Variants in KLK7 observed in about 807,000 individuals in gnomAD.
KLK7 encodes the protein kallikrein-7.
In KLK7, 17 loss-of-function variants were observed where a neutral mutation model predicts 21.0. That is an observed-to-expected ratio of 0.81 (90% confidence interval 0.55 to 1.21). KLK7 has a LOEUF of 1.21. Among genes scored for constraint, KLK7 ranks in the 50% most tolerant of loss-of-function variants. The probability of loss-of-function intolerance (pLI) is 0.00; values close to 1 mark genes in which losing one functional copy is unlikely to be tolerated. For synonymous variants in KLK7, 151 were observed against 134.6 expected, an observed-to-expected ratio of 1.12 and a Z score of -0.85; for missense variants, 330 against 322.8, an observed-to-expected ratio of 1.02 and a Z score of -0.17.
Position 50,981,771 on chromosome 19 carries a change from T to C in KLK7, c.217A>G (p.Met73Val), listed in dbSNP as rs2091090922. The change falls in exon 3 of 6, where the codon ATG (methionine) becomes GTG (valine). Residue 73 changes from methionine (M) to valine (V), a missense_variant. Met to Val is a conservative substitution (Grantham distance 21). Coordinates refer to ENST00000595820, the MANE Select transcript of KLK7 (RefSeq NM_005046.4). ...AGAGACTTGGGCGGCACCTACTTCA[T>C]CTTGCAGTGGGCGGCAGTGAGCACC... ...RWVLTAAHCK[M>V]NEYTVHLGSD... 1.3e-6 allele frequency: 2 copies of C among 1,571,412 alleles called. No individual in the cohort carries two copies. The highest frequency in any genetic ancestry group is 2.7e-5 in the African/African-American group (2 of 74,676).
Position 50,977,425 on chromosome 19 carries a change from A to T in KLK7, c.*111T>A. The T allele has an allele frequency of 9.3e-7, 1 of 1,076,424 alleles. No individual in the cohort carries two copies. The highest frequency in any genetic ancestry group is 1.4e-6 in the Non-Finnish European group (1 of 718,980). 66.7% of individuals were successfully genotyped at this position (1,076,424 alleles called of 1,614,324 possible). On this transcript the variant is annotated 3_prime_UTR_variant, in exon 6 of 6. Coordinates refer to ENST00000595820, the MANE Select transcript of KLK7 (RefSeq NM_005046.4). Reference sequence around the variant, plus strand: ...TATCAACAGGGCATGAGGTTGGTTTAAATATATCTTTGAGGAAAGGTAAAG... The same window carrying T: ...TATCAACAGGGCATGAGGTTGGTTTTAATATATCTTTGAGGAAAGGTAAAG...
At chr19:50,982,060 G>A in intron 2 of KLK7, 146 bp from the exon 3 acceptor site, 1 of 972,460 alleles carries the variant, frequency 1.0e-6, no homozygotes. Flanking sequence ...TAGGGATAGA[G>A]ACAGACAGAA....
intron 5 of KLK7, 111 bp downstream of exon 5, chr19:50,979,677 G>C (rs902633102): frequency 3.0e-5 from 32 of 1,082,986 alleles, no homozygotes; most frequent in Middle Eastern, 5.7e-4. Flanking sequence ...GCCAGGCCTG[G>C]GGGGAGGGCA....
Position 50,982,420 on chromosome 19 carries a change from A to G in KLK7, c.-21T>C. On this transcript the variant is annotated 5_prime_UTR_variant, in exon 2 of 6. Coordinates refer to ENST00000595820, the MANE Select transcript of KLK7 (RefSeq NM_005046.4). ...GCCATGGTGCCCTGCTGAGCCGCTC[A>G]GGGGCTGCCAGGCGAGGAAGGGCCT... is the stretch of plus-strand genomic sequence containing the variant. 1 of 1,595,132 alleles carries G rather than the reference A, an allele frequency of 6.3e-7. No individual in the cohort carries two copies. The highest frequency in any genetic ancestry group is 1.1e-5 in the South Asian group (1 of 88,036).
Position 50,980,286 on chromosome 19 carries a change from T to A in KLK7, c.423A>T (p.Gly141=). Residue 141 remains glycine, a synonymous_variant, in exon 4 of 6, where the codon GGA becomes GGT. Coordinates refer to ENST00000595820, the MANE Select transcript of KLK7 (RefSeq NM_005046.4). ...CCCAGCCGGAGACAGTACAGGTGGT[T>A]CCAGGGGGTTCGCAGCGGGAGGGCA... The part of the protein sequence containing the change: ...VRLPSRCEPP[G]TTCTVSGWGT... The A allele has an allele frequency of 6.2e-7, 1 of 1,613,964 alleles. No individual in the cohort carries two copies. Among genetic ancestry groups the A allele is most frequent in the South Asian group, 1.1e-5 (1 of 91,084 alleles).
chr19:50,979,673 C>G, intron 5 of KLK7, 115 bp downstream of exon 5: 1 of 1,048,380 alleles, frequency 9.5e-7, no homozygotes, highest in Non-Finnish European at 1.4e-6. Context: ...GGAGGCCAGG[C>G]CTGGGGGGAG....
Position 50,977,860 on chromosome 19 carries a change from A to T in KLK7, c.607-169T>A, listed in dbSNP as rs185303262. ...ACTAATGGGAGAGCTAGTGCTAGGGACACACTAGGTCCTTTGAAGACACTG... is the reference window on the plus strand; with the variant it reads ...ACTAATGGGAGAGCTAGTGCTAGGGTCACACTAGGTCCTTTGAAGACACTG... On this transcript the variant is annotated intron_variant, in intron 5 of 5. Transcript: ENST00000595820. 1.1e-4 allele frequency among the ~76,000 whole-genome samples: 16 copies of T among 152,322 alleles called. No individual in the cohort carries two copies. In the East Asian group the frequency reaches 1.2e-3, roughly 11 times the overall value.
rs559075955 is a variant in KLK7, at chr19:50,976,563, C to T, written c.*973G>A. On this transcript the variant is annotated 3_prime_UTR_variant, in exon 6 of 6. Transcript: ENST00000595820. ...ACAGAAGGAAGGAGACACCTCATGA[C>T]GACCCCAGTATGCAGTCTGGGACAT... is the stretch of plus-strand genomic sequence containing the variant. 9 of 152,308 alleles carry T rather than the reference C, an allele frequency of 5.9e-5. No individual in the cohort carries two copies. The highest frequency in any genetic ancestry group is 2.1e-4 in the South Asian group (1 of 4,828). 9.4% of individuals were successfully genotyped at this position (152,308 alleles called of 1,614,324 possible).
At chr19:50,983,628 C>T in intron 1 of KLK7, 1 of 487,588 alleles carries the variant, frequency 2.1e-6, no homozygotes. Flanking sequence ...TCCCTAGAGA[C>T]CCAGGAATCT....
intron 5 of KLK7, among the ~76,000 whole-genome samples, chr19:50,979,420 A>T (rs946809456): frequency 5.3e-5 from 8 of 152,222 alleles, no homozygotes; most frequent in African/African-American, 1.4e-4. Flanking sequence ...TTTGTCCATC[A>T]TGGACTTCTG....
Position 50,981,770 on chromosome 19 carries a change from A to G in KLK7, c.218T>C (p.Met73Thr). Residue 73 changes from methionine to threonine, a missense_variant, in exon 3 of 6, where the codon ATG becomes ACG. Transcript: ENST00000595820. ...RWVLTAAHCK[M>T]NEYTVHLGSD... ...CAGAGACTTGGGCGGCACCTACTTC[A>G]TCTTGCAGTGGGCGGCAGTGAGCAC... 1 of 1,570,808 alleles carries G rather than the reference A, an allele frequency of 6.4e-7. No homozygotes were observed. The highest frequency in any genetic ancestry group is 8.6e-7 in the Non-Finnish European group (1 of 1,158,046).
At chr19:50,981,588 G>C (rs1443329331) in intron 3 of KLK7, among the ~76,000 whole-genome samples, 179 bp downstream of exon 3, 1 of 143,506 alleles carries the variant, frequency 7.0e-6, no homozygotes, top group Non-Finnish European at 1.5e-5. Flanking sequence ...GGGAGACAGA[G>C]AGCCAGGGAG....
In KLK7 at chr19:50,980,273, C is replaced by A. The variant is rs759790552; in HGVS notation, c.436G>T (p.Val146Phe). The change falls in exon 4 of 6, where the codon GTC becomes TTC. Residue 146 changes from valine (V) to phenylalanine (F), a missense_variant. Physicochemically the swap from Val to Phe is conservative, Grantham distance 50. Coordinates refer to ENST00000595820, the MANE Select transcript of KLK7 (RefSeq NM_005046.4). ...RCEPPGTTCT[V>F]SGWGTTTSPD... ...CTCGTGGTAGTGCCCCAGCCGGAGA[C>A]AGTACAGGTGGTTCCAGGGGGTTCG... 2.5e-6 allele frequency: 4 copies of A among 1,613,988 alleles called. No homozygotes were observed. Among genetic ancestry groups the A allele is most frequent in the Non-Finnish European group, 3.4e-6 (4 of 1,179,962 alleles).
intron 3 of KLK7, among the ~76,000 whole-genome samples, chr19:50,981,494 C>A (rs2091088022): frequency 8.5e-6 from 1 of 118,104 alleles, no homozygotes; most frequent in African/African-American, 3.4e-5. Flanking sequence ...GGAGGGGGAA[C>A]AGAGACCTAG....
At chr19:50,979,347 C>G (rs2091058915) in intron 5 of KLK7, among the ~76,000 whole-genome samples, 1 of 152,240 alleles carries the variant, frequency 6.6e-6, no homozygotes, top group Admixed American at 6.5e-5. Context: ...CTGAGCCACG[C>G]TAGTACTTAC....
At chr19:50,977,839 A>G in intron 5 of KLK7, 148 bp from the exon 6 acceptor site, 1 of 822,184 alleles carries the variant, frequency 1.2e-6, no homozygotes. Flanking sequence ...CTGGGGACTA[A>G]TGGGAGAGCT....
rs2091063582 is a variant in KLK7 at position 50,979,905 on chromosome 19, G to A, written c.489C>T (p.Leu163=). The A allele has an allele frequency of 6.3e-7, 1 of 1,595,634 alleles. No homozygotes were observed. Among genetic ancestry groups the A allele is most frequent in the Admixed American group, 1.8e-5 (1 of 56,902 alleles). Residue 163 remains leucine (L), a synonymous_variant, in exon 5 of 6, where the codon CTC becomes CTT. Transcript: ENST00000595820. ...AGATGAGCTTGACATCCACGCACAT[G>A]AGGTCAGAGGGAAAGGTCACTGCAG... is the stretch of plus-strand genomic sequence containing the variant. ...TSPDVTFPSD[L]MCVDVKLISP...
chr19:50,978,747 T>A (rs1383020849), intron 5 of KLK7, among the ~76,000 whole-genome samples: 1 of 100,298 alleles, frequency 1.0e-5, no homozygotes, highest in Non-Finnish European at 1.9e-5. Flanking sequence ...AGGAGAGAGA[T>A]AGAAGAAAGA....
chr19:50,982,264 A>C, intron 2 of KLK7, 63 bp downstream of exon 2: 1 of 1,568,406 alleles, frequency 6.4e-7, no homozygotes, highest in East Asian at 2.3e-5. Flanking sequence ...TGACTCAGGG[A>C]CTCCTTGGAG....
Sources: allele counts gnomAD v4.1 joint callset (sites outside exome capture counted in the v4.1 genomes callset), GRCh38; gene constraint gnomAD v4.1.1; transcripts MANE v1.5; gene names NCBI Gene and HGNC (gene_info 2026-07-23, HGNC 2026-07-21).